Variants in RCC1 observed in about 807,000 individuals in gnomAD.
RCC1 encodes the protein regulator of chromosome condensation.
RCC1 carries 11 observed loss-of-function variants against 44.4 expected under a neutral mutation model. The observed-to-expected ratio is 0.25, with a 90% CI of 0.16 to 0.41. The LOEUF is 0.41. Ranked by LOEUF, RCC1 falls within the 10% of genes least tolerant of loss-of-function variation. The probability of loss-of-function intolerance (pLI) is 1.00; values close to 1 mark genes in which losing one functional copy is unlikely to be tolerated. For missense variants in RCC1, 386 were observed against 547.1 expected, an observed-to-expected ratio of 0.71 and a Z score of 2.94; for synonymous variants, 213 against 216.5, an observed-to-expected ratio of 0.98 and a Z score of 0.14.
intron 1 of RCC1, 177 bp from the exon 2 acceptor site, chr1:28,507,951 A>G (rs1570155426): frequency 3.3e-6 from 1 of 301,252 alleles, no homozygotes; most frequent in Non-Finnish European, 6.6e-6. Context: ...GCTAAAAAGT[A>G]GCCAGGCATG....
At chr1:28,512,725 C>T (rs1382192710) in intron 3 of RCC1, among the ~76,000 whole-genome samples, 3 of 151,992 alleles carry the variant, frequency 2.0e-5, no homozygotes, top group Non-Finnish European at 4.4e-5. Flanking sequence ...TTTTTGAGTT[C>T]CTTTTCTATT....
chr1:28,507,352 G>T (rs753144802), intron 1 of RCC1: 11 of 518,856 alleles, frequency 2.1e-5, no homozygotes, highest in Non-Finnish European at 4.2e-5. Context: ...AAATTTATGC[G>T]TTACACTGAT....
intron 5 of RCC1, chr1:28,530,514 CT>C: frequency 1.2e-6 from 2 of 1,600,108 alleles, no homozygotes; most frequent in Admixed American, 1.7e-5. Flanking sequence ...CAGTGTCTGT[CT>C]TTTGCAGACA....
Position 28,526,843 on chromosome 1 carries a change from G to C in RCC1, c.-9-3015G>C. The C allele has an allele frequency of 4.9e-6, 3 of 617,732 alleles. No individual in the cohort carries two copies. The South Asian group carries it at 5.9e-5, about 12-fold the overall frequency. 38.3% of individuals were successfully genotyped at this position (617,732 alleles called of 1,614,324 possible). On this transcript the variant is annotated intron_variant, in intron 4 of 12. Transcript: ENST00000683442. ...ACCCAGGAGGGGGAGGTTGCAGTGA[G>C]CCGAGATCGTGCCACTGCACTCCAG...
intron 1 of RCC1, chr1:28,507,530 T>C (rs749116091): frequency 1.9e-4 from 100 of 518,660 alleles, no homozygotes; most frequent in Admixed American, 1.9e-3. Flanking sequence ...CCCAGAGTCC[T>C]GTCGACAATT....
intron 4 of RCC1, among the ~76,000 whole-genome samples, chr1:28,523,235 G>A (rs1663411191): frequency 6.6e-6 from 1 of 151,856 alleles, no homozygotes; most frequent in Non-Finnish European, 1.5e-5. Context: ...GTTTCACCGT[G>A]GTCTCGATCT....
intron 5 of RCC1, among the ~76,000 whole-genome samples, chr1:28,530,884 G>A (rs188390462): frequency 1.9e-3 from 295 of 152,306 alleles, no homozygotes; most frequent in African/African-American, 6.7e-3. Context: ...ATTCACTGGC[G>A]GACGGCTTGG....
chr1:28,538,203 A>C lies in RCC1; in HGVS notation c.*196A>C. 7.8e-5 allele frequency: 34 copies of C among 435,406 alleles called. No homozygotes were observed. The highest frequency in any genetic ancestry group is 2.2e-4 in the East Asian group (5 of 22,400). The allele number at this position is 435,406 out of a possible 1,614,324, so 27.0% of individuals were successfully genotyped here. A position where few individuals can be genotyped will look rare whatever the true frequency, so the allele number is the denominator to read the frequency against. ...TTGGAATTTTCCTGGGACCTACAGA[A>C]TAAAGGGGGGGATGGACAGGGGGTT... is the stretch of plus-strand genomic sequence containing the variant. On this transcript the variant is annotated 3_prime_UTR_variant, in exon 13 of 13. Coordinates refer to ENST00000683442, the MANE Select transcript of RCC1 (RefSeq NM_001381865.2).
intron 12 of RCC1, 120 bp from the exon 13 acceptor site, chr1:28,537,712 A>G (rs754129286): frequency 6.5e-5 from 63 of 975,112 alleles, no homozygotes; most frequent in Non-Finnish European, 8.9e-5. Context: ...AGAGTCTGGT[A>G]CCTTGCCAAG....
At chr1:28,534,940 C>T in intron 7 of RCC1, 110 bp from the exon 8 acceptor site, 1 of 799,698 alleles carries the variant, frequency 1.3e-6, no homozygotes, top group Non-Finnish European at 2.2e-6. Context: ...GAGTATGTGG[C>T]CTGGCTCCTG....
chr1:28,509,247 C>T, intron 3 of RCC1: 2 of 242,980 alleles, frequency 8.2e-6, no homozygotes, highest in Non-Finnish European at 1.6e-5. Flanking sequence ...CTCTGCTTGG[C>T]CAGAAGGCAC....
chr1:28,521,726 C>G (rs1663298106), intron 4 of RCC1, among the ~76,000 whole-genome samples: 3 of 152,306 alleles, frequency 2.0e-5, no homozygotes, highest in South Asian at 4.1e-4. Flanking sequence ...CCCTCAGGCT[C>G]TAGCTGCCTC....
chr1:28,533,198 G>A (rs563988024), intron 7 of RCC1, among the ~76,000 whole-genome samples: 17 of 152,228 alleles, frequency 1.1e-4, no homozygotes, highest in Non-Finnish European at 7.4e-5. Flanking sequence ...TGGGCTGGGC[G>A]CGGTGGCTCA....
chr1:28,533,748 C>A (rs1341526319), intron 7 of RCC1, among the ~76,000 whole-genome samples: 1 of 67,222 alleles, frequency 1.5e-5, no homozygotes, highest in Non-Finnish European at 2.7e-5. Context: ...CCAGCCTGGG[C>A]AACAAGAGCG....
At chr1:28,517,777 T>G (rs1220849372) in intron 4 of RCC1, among the ~76,000 whole-genome samples, 2 of 152,038 alleles carry the variant, frequency 1.3e-5, no homozygotes, top group Non-Finnish European at 2.9e-5. Context: ...TCCCTGTCAT[T>G]GCAAACGTCG....
intron 4 of RCC1, among the ~76,000 whole-genome samples, chr1:28,520,127 A>G (rs998373188): frequency 2.0e-5 from 3 of 152,192 alleles, no homozygotes; most frequent in Non-Finnish European, 4.4e-5. Context: ...CCTAGTGTGA[A>G]ATATACCACC....
At chr1:28,537,649 A>C (rs138857638) in intron 12 of RCC1, among the ~76,000 whole-genome samples, 183 bp from the exon 13 acceptor site, 2 of 152,282 alleles carry the variant, frequency 1.3e-5, no homozygotes, top group Non-Finnish European at 2.9e-5. Flanking sequence ...TGGTTTACAG[A>C]GTTCTTTTTT....
At position 28,529,845 on chromosome 1, in the gene RCC1, G is replaced by A. The variant is rs1490867097; in HGVS notation, c.-9-13G>A. 6.2e-7 allele frequency: 1 copy of A among 1,610,804 alleles called. No individual in the cohort carries two copies. The highest frequency in any genetic ancestry group is 1.3e-5 in the African/African-American group (1 of 74,826). ...TTGCCATTTCTCATATGTAGTATTT[G>A]ACTGACTTTCAGGACAGGAAGATGT... is the stretch of plus-strand genomic sequence containing the variant. On this transcript the variant is annotated splice_polypyrimidine_tract_variant and intron_variant, in intron 4 of 12. Transcript: ENST00000683442.
chr1:28,535,568 C>T, intron 9 of RCC1, 188 bp downstream of exon 9: 1 of 918,296 alleles, frequency 1.1e-6, no homozygotes, highest in East Asian at 2.6e-5. Flanking sequence ...AACATAGTTT[C>T]TTCATCACTA....
Sources: gnomAD v4.1 joint callset for allele counts (sites outside exome capture counted in the v4.1 genomes callset) on GRCh38, gnomAD v4.1.1 for gene constraint, MANE v1.5 for transcripts, NCBI Gene and HGNC (gene_info 2026-07-23, HGNC 2026-07-21) for gene names.